TSPEAR: variants seen among roughly 807,000 people sequenced by gnomAD.
TSPEAR encodes thrombospondin type laminin G domain and EAR repeats.
In TSPEAR, 69 loss-of-function variants were observed where a neutral mutation model predicts 71.6. That is an observed-to-expected ratio of 0.96 (90% confidence interval 0.79 to 1.18). TSPEAR has a LOEUF of 1.18. Among genes scored for constraint, TSPEAR ranks in the 50% most tolerant of loss-of-function variants. TSPEAR has a pLI of 0.00. For synonymous variants in TSPEAR, 402 were observed against 387.2 expected, an observed-to-expected ratio of 1.04 and a Z score of -0.45; for missense variants, 971 against 894.9, an observed-to-expected ratio of 1.09 and a Z score of -1.09.
intron 1 of TSPEAR, among the ~76,000 whole-genome samples, chr21:44,682,679 C>T (rs1286852942): frequency 6.6e-6 from 1 of 152,222 alleles, no homozygotes; most frequent in Non-Finnish European, 1.5e-5. Flanking sequence ...ACTGTGCTTC[C>T]TGAGAGAGAA....
intron 1 of TSPEAR, among the ~76,000 whole-genome samples, chr21:44,667,739 G>A (rs1985863152): frequency 6.6e-6 from 1 of 152,188 alleles, no homozygotes; most frequent in South Asian, 2.1e-4. Context: ...AGGGACAGTA[G>A]AATCTCTGAG....
rs1196740378 is a variant in TSPEAR, at chr21:44,520,676, G to A, written c.1566+1207C>T. On this transcript the variant is annotated intron_variant, in intron 9 of 11. Transcript: ENST00000323084. The surrounding 1 kb of genome is among the most constrained non-coding windows in gnomAD (Gnocchi z 4.2). ...GGGTGGAGGGGCTCCAGGAACCTGC[G>A]ACTGCTGAACTCCATCTTCCTCCCT... 10 of 152,318 alleles carry A rather than the reference G, an allele frequency of 6.6e-5. No homozygotes were observed. The highest frequency in any genetic ancestry group is 2.2e-4 in the African/African-American group (9 of 41,462). The allele number at this position is 152,318 out of a possible 1,614,324, so 9.4% of individuals were successfully genotyped here.
At chr21:44,619,477 TGAG>T (rs1555933156) in intron 1 of TSPEAR, among the ~76,000 whole-genome samples, 1 of 152,168 alleles carries the variant, frequency 6.6e-6, no homozygotes, top group Non-Finnish European at 1.5e-5. Flanking sequence ...AAGCTACTCA[TGAG>T]GAGGAAAAGC....
chr21:44,528,488 G>A lies in TSPEAR; in HGVS notation c.886C>T (p.Leu296=). The change falls in exon 6 of 12, where the codon CTG becomes TTG. Residue 296 remains leucine, a synonymous_variant. Coordinates refer to ENST00000323084, the MANE Select transcript of TSPEAR (RefSeq NM_144991.3). The part of the protein sequence containing the change: ...WFDASRKGLY[L]CVGNEWVSVL... Reference sequence around the variant, plus strand: ...GAGACCCACTCGTTGCCAACACACAGATACAGGCCCTTCCGGCTGGCATCA... The same window carrying A: ...GAGACCCACTCGTTGCCAACACACAAATACAGGCCCTTCCGGCTGGCATCA... 6.2e-7 allele frequency: 1 copy of A among 1,614,090 alleles called. No individual in the cohort carries two copies. Among genetic ancestry groups the A allele is most frequent in the Non-Finnish European group, 8.5e-7 (1 of 1,180,010 alleles).
At chr21:44,513,800 GCTCC>G (rs1347364291) in intron 9 of TSPEAR, among the ~76,000 whole-genome samples, 1 of 152,170 alleles carries the variant, frequency 6.6e-6, no homozygotes, top group Non-Finnish European at 1.5e-5. Context: ...CACCCCTGGG[GCTCC>G]CTCCCTAGCC....
At chr21:44,551,348 A>G (rs782026527) in intron 2 of TSPEAR, 87 of 1,613,152 alleles carry the variant, frequency 5.4e-5, no homozygotes, top group African/African-American at 3.5e-4. Context: ...GGGCTGGGGC[A>G]CAGCAGCTGG....
intron 1 of TSPEAR, among the ~76,000 whole-genome samples, chr21:44,573,363 A>G (rs1555922920): frequency 6.7e-6 from 1 of 149,970 alleles, no homozygotes; most frequent in East Asian, 2.0e-4. Flanking sequence ...TCCAGCACAC[A>G]CACGGCAGAG....
At chr21:44,627,765 T>C (rs782585766) in intron 1 of TSPEAR, 1 of 1,599,864 alleles carries the variant, frequency 6.3e-7, no homozygotes, top group East Asian at 2.2e-5. Context: ...CCATCTGCTG[T>C]GTGCCTGTCT....
intron 1 of TSPEAR, among the ~76,000 whole-genome samples, chr21:44,570,711 C>T (rs926765177): frequency 3.3e-5 from 5 of 152,116 alleles, no homozygotes; most frequent in South Asian, 2.1e-4. Flanking sequence ...CAGGAGTCCA[C>T]GCAATTGAAA....
intron 9 of TSPEAR, among the ~76,000 whole-genome samples, chr21:44,516,967 C>G (rs914406351): frequency 1.3e-5 from 2 of 152,180 alleles, no homozygotes; most frequent in Non-Finnish European, 2.9e-5. Flanking sequence ...CGCTCCTGCA[C>G]CCTGGGGCTT....
chr21:44,701,242 A>G (rs1987633311), intron 1 of TSPEAR, among the ~76,000 whole-genome samples: 1 of 152,222 alleles, frequency 6.6e-6, no homozygotes, highest in South Asian at 2.1e-4. Context: ...TCAAACACGG[A>G]CTGTTTCTCT....
At chr21:44,575,159 C>G (rs930683209) in intron 1 of TSPEAR, 1 of 889,758 alleles carries the variant, frequency 1.1e-6, no homozygotes, top group Non-Finnish European at 1.7e-6. Context: ...AACTGAAAGT[C>G]TATACTCAAT....
At chr21:44,619,764 A>G (rs1384020076) in intron 1 of TSPEAR, among the ~76,000 whole-genome samples, 2 of 152,268 alleles carry the variant, frequency 1.3e-5, no homozygotes, top group African/African-American at 2.4e-5. Flanking sequence ...TTTAGCAGCT[A>G]TAAGAATTAG....
chr21:44,643,014 G>A (rs1309310520), intron 1 of TSPEAR, among the ~76,000 whole-genome samples: 1 of 152,192 alleles, frequency 6.6e-6, no homozygotes, highest in Non-Finnish European at 1.5e-5. Context: ...CAACATAAGT[G>A]ATCATCAACA....
At chr21:44,689,740 T>TATATATATATA (rs1555949490) in intron 1 of TSPEAR, among the ~76,000 whole-genome samples, 60 of 125,026 alleles carry the variant, frequency 4.8e-4, no homozygotes, top group African/African-American at 5.6e-4. Context: ...TATATATATA[T>TATATATATATA]TTTGGGGGGG....
At chr21:44,540,914 C>T (rs587733832) in intron 2 of TSPEAR, among the ~76,000 whole-genome samples, 1 of 152,268 alleles carries the variant, frequency 6.6e-6, no homozygotes, top group South Asian at 2.1e-4. Context: ...TCTTAAAGGC[C>T]ATAGCTTTAT....
At chr21:44,596,802 C>T (rs782367085) in intron 1 of TSPEAR, among the ~76,000 whole-genome samples, 2 of 152,182 alleles carry the variant, frequency 1.3e-5, no homozygotes, top group African/African-American at 2.4e-5. Flanking sequence ...TTTCAATTGT[C>T]TCTGTATCCT....
intron 1 of TSPEAR, chr21:44,627,279 C>A (rs1982874218): frequency 6.2e-7 from 1 of 1,612,470 alleles, no homozygotes; most frequent in African/African-American, 1.3e-5. Context: ...CCACCAGCTG[C>A]TGCGCCCCGG....
chr21:44,613,265 C>T (rs1555931722), intron 1 of TSPEAR, among the ~76,000 whole-genome samples: 1 of 152,220 alleles, frequency 6.6e-6, no homozygotes, highest in East Asian at 1.9e-4. Context: ...TGGTCTCCTC[C>T]AGCCATGACC....
Sources: allele counts gnomAD v4.1 joint callset (sites outside exome capture counted in the v4.1 genomes callset), GRCh38; gene constraint gnomAD v4.1.1; non-coding constraint Gnocchi (gnomAD v3.1); transcripts MANE v1.5; gene names NCBI Gene and HGNC (gene_info 2026-07-23, HGNC 2026-07-21).